LPL: variants seen among roughly 807,000 people sequenced by gnomAD.
The protein encoded by LPL is lipoprotein lipase, also known as phospholipase A1.
In LPL, 43 loss-of-function variants were observed where a neutral mutation model predicts 52.2. The ratio of observed to expected loss-of-function variants is 0.82; its 90% CI spans 0.64 to 1.06. LPL has a LOEUF of 1.06. Among genes scored for constraint, LPL ranks in the 50% least tolerant of loss-of-function variants. The pLI is 0.00. For synonymous variants in LPL, 244 were observed against 215.6 expected (o/e 1.13, Z -1.15); for missense variants, 639 against 585.3 (o/e 1.09, Z -0.95).
At chr8:19,957,247 G>A (rs555329803) in intron 6 of LPL, among the ~76,000 whole-genome samples, 14 of 152,224 alleles carry the variant, frequency 9.2e-5, no homozygotes, top group African/African-American at 2.6e-4. Context: ...GGAGGTCTTC[G>A]GATAAATCCG....
At chr8:19,955,374 C>A (rs527720848) in intron 5 of LPL, among the ~76,000 whole-genome samples, 1 of 152,270 alleles carries the variant, frequency 6.6e-6, no homozygotes, top group African/African-American at 2.4e-5. Flanking sequence ...GATGGTTTGA[C>A]TTAAAACTTT....
intron 6 of LPL, among the ~76,000 whole-genome samples, chr8:19,956,760 A>G (rs1024247994): frequency 2.0e-5 from 3 of 152,126 alleles, no homozygotes; most frequent in Non-Finnish European, 4.4e-5. Context: ...AGCCTAAAAT[A>G]TTTACTCCCT....
At chr8:19,956,140 A>C (rs1563576904) in intron 6 of LPL, 57 bp downstream of exon 6, 1 of 1,607,316 alleles carries the variant, frequency 6.2e-7, no homozygotes, top group Non-Finnish European at 8.5e-7. Flanking sequence ...CATCATGCTC[A>C]CTGCATCACA....
rs752564830 is a variant in LPL at position 19,950,782 on chromosome 8, C to T, written c.250-987C>T. The stretch of plus-strand genomic sequence containing the variant: ...TCATGCCACTGCACTCCAGCCTGGG[C>T]GAGACAGTAAGACTCTGCCAAAAGA... On this transcript the variant is annotated intron_variant, in intron 2 of 9. Coordinates refer to ENST00000650287, the MANE Select transcript of LPL (RefSeq NM_000237.3). The surrounding 1 kb of genome is among the most constrained non-coding windows in gnomAD (Gnocchi z 4.2). Among the ~76,000 whole-genome samples the T allele has an allele frequency of 4.0e-5, 6 of 150,202 alleles. No homozygotes were observed. Among genetic ancestry groups the T allele is most frequent in the African/African-American group, 1.2e-4 (5 of 40,692 alleles).
In LPL at chr8:19,965,576, TG is replaced by T. The variant is rs1158157036; in HGVS notation, c.*267del. 2.2e-6 allele frequency: 1 copy of T among 459,428 alleles called. No homozygotes were observed. Among genetic ancestry groups the T allele is most frequent in the Non-Finnish European group, 3.9e-6 (1 of 258,020 alleles). 28.5% of individuals were successfully genotyped at this position (459,428 alleles called of 1,614,324 possible). On this transcript the variant is annotated 3_prime_UTR_variant, in exon 10 of 10. Coordinates refer to ENST00000650287, the MANE Select transcript of LPL (RefSeq NM_000237.3). ...CAGTGGATCATGAAAAGTGCTGTTT[TG>T]TCCTTTGAGAAAGAAATAATTGTTT...
In LPL at chr8:19,965,512, G is replaced by T. The variant is rs967378127; in HGVS notation, c.*202G>T. 5.3e-6 allele frequency: 3 copies of T among 564,078 alleles called. No homozygotes were observed. The highest frequency in any genetic ancestry group is 3.8e-5 in the African/African-American group (2 of 53,252). The allele number at this position is 564,078 out of a possible 1,614,324, so 34.9% of individuals were successfully genotyped here. ...AAAAGTGGCTAATTCAATTTATGGG[G>T]TATAGTGGCCAAATAGCACATCCTC... is the stretch of plus-strand genomic sequence containing the variant. On this transcript the variant is annotated 3_prime_UTR_variant, in exon 10 of 10. Coordinates refer to ENST00000650287, the MANE Select transcript of LPL (RefSeq NM_000237.3).
intron 1 of LPL, among the ~76,000 whole-genome samples, chr8:19,942,353 T>C (rs2069848325): frequency 6.6e-6 from 1 of 152,210 alleles, no homozygotes; most frequent in South Asian, 2.1e-4. Flanking sequence ...ATCAAAATGA[T>C]GGTTGGTGAT....
chr8:19,963,259 A>G (rs980613693), intron 9 of LPL, among the ~76,000 whole-genome samples: 3 of 152,318 alleles, frequency 2.0e-5, no homozygotes, highest in Admixed American at 1.3e-4. Context: ...AACGTGGCGA[A>G]ACCACCTCTC....
chr8:19,960,784 A>G (rs868188401), intron 7 of LPL, 117 bp from the exon 8 acceptor site: 1 of 750,312 alleles, frequency 1.3e-6, no homozygotes, highest in African/African-American at 1.8e-5. Flanking sequence ...ATTTTTGTGC[A>G]TTTTTAAAAT....
intron 9 of LPL, among the ~76,000 whole-genome samples, chr8:19,965,005 A>G (rs181805918): frequency 2.6e-5 from 4 of 152,370 alleles, no homozygotes; most frequent in Admixed American, 2.6e-4. Flanking sequence ...GAAATGGAAC[A>G]GGCCTTTCGT....
intron 1 of LPL, among the ~76,000 whole-genome samples, chr8:19,945,678 A>T (rs1178623368): frequency 1.3e-5 from 2 of 152,174 alleles, no homozygotes; most frequent in African/African-American, 4.8e-5. Context: ...TTTCAAAGAA[A>T]ATTTGTGGTC....
At chr8:19,958,886 G>A (rs1291398358) in intron 6 of LPL, among the ~76,000 whole-genome samples, 1 of 152,210 alleles carries the variant, frequency 6.6e-6, no homozygotes, top group Admixed American at 6.5e-5. Context: ...CAGATGCTAA[G>A]GCACAAGATG....
chr8:19,954,996 G>A (rs1039865448), intron 5 of LPL, among the ~76,000 whole-genome samples: 2 of 152,004 alleles, frequency 1.3e-5, no homozygotes, highest in African/African-American at 2.4e-5. Context: ...GAGCCACCAC[G>A]CCCAGTTTAC....
intron 7 of LPL, 95 bp from the exon 8 acceptor site, chr8:19,960,806 A>T: frequency 2.3e-6 from 2 of 885,992 alleles, no homozygotes; most frequent in South Asian, 2.8e-5. Context: ...TCCCCTAAAT[A>T]ATAAAGCTAT....
At position 19,951,862 on chromosome 8, in the gene LPL, T is replaced by A; in HGVS notation, c.343T>A (p.Ser115Thr). The A allele has an allele frequency of 6.2e-7, 1 of 1,614,174 alleles. No individual in the cohort carries two copies. The highest frequency in any genetic ancestry group is 8.5e-7 in the Non-Finnish European group (1 of 1,180,034). ...DSNVIVVDWL[S>T]RAQEHYPVSA... ...CAATGTCATTGTGGTGGACTGGCTG[T>A]CACGGGCTCAGGAGCATTACCCAGT... is the stretch of plus-strand genomic sequence containing the variant. Residue 115 changes from serine (S) to threonine (T), a missense_variant, in exon 3 of 10, where the codon TCA (serine) becomes ACA (threonine). Transcript: ENST00000650287.
intron 6 of LPL, among the ~76,000 whole-genome samples, chr8:19,957,565 T>C (rs897841803): frequency 8.5e-5 from 13 of 152,200 alleles, no homozygotes; most frequent in Admixed American, 8.5e-4. Context: ...TTCAAGGCTC[T>C]GTCAGTGTCC....
intron 6 of LPL, 61 bp from the exon 7 acceptor site, chr8:19,959,199 A>G (rs1368441669): frequency 6.2e-7 from 1 of 1,610,186 alleles, no homozygotes; most frequent in Non-Finnish European, 8.5e-7. Flanking sequence ...TTGCCTGACT[A>G]TTTGGGGTTG....
chr8:19,946,365 C>T (rs1297065981), intron 1 of LPL, among the ~76,000 whole-genome samples: 1 of 151,824 alleles, frequency 6.6e-6, no homozygotes, highest in Non-Finnish European at 1.5e-5. Context: ...TGTGTGTGAT[C>T]AACTCATTGC....
chr8:19,952,559 G>A (rs536870057), intron 3 of LPL, among the ~76,000 whole-genome samples: 5 of 152,322 alleles, frequency 3.3e-5, no homozygotes, highest in Middle Eastern at 3.4e-3. Context: ...TTGGAAAGAA[G>A]CTGATACTCT....
Sources: allele counts gnomAD v4.1 joint callset (sites outside exome capture counted in the v4.1 genomes callset), GRCh38; gene constraint gnomAD v4.1.1; non-coding constraint Gnocchi (gnomAD v3.1); transcripts MANE v1.5; gene names NCBI Gene and HGNC (gene_info 2026-07-23, HGNC 2026-07-21).